VAV3: variants seen among roughly 807,000 people sequenced by gnomAD.
VAV3 encodes the protein guanine nucleotide exchange factor VAV3.
In VAV3, 94 loss-of-function variants were observed where a neutral mutation model predicts 131.2. That is an observed-to-expected ratio of 0.72 (90% CI 0.61 to 0.85). The LOEUF is 0.85. VAV3 is among the 40% of genes least tolerant of loss of function. The pLI is 0.00. For synonymous variants in VAV3, 349 were observed against 342.0 expected (o/e 1.02, Z -0.22); for missense variants, 939 against 1,002.7 (o/e 0.94, Z 0.86).
At position 107,711,183 on chromosome 1, in the gene VAV3, T is replaced by A. The variant is rs535637091; in HGVS notation, c.1503-6122A>T. On this transcript the variant is annotated intron_variant, in intron 15 of 26. Coordinates refer to ENST00000370056, the MANE Select transcript of VAV3 (RefSeq NM_006113.5). ...ACTAAGAGAAGATATTTAAAAGTGA[T>A]AAAACTAATGAGAGATGAAGACATC... Among the ~76,000 whole-genome samples, 81 of 151,982 alleles carry A rather than the reference T, an allele frequency of 5.3e-4. No individual in the cohort carries two copies. The South Asian group carries it at 0.016, about 29-fold the overall frequency.
At chr1:107,920,507 AATG>A (rs901024021) in intron 1 of VAV3, among the ~76,000 whole-genome samples, 52 of 152,192 alleles carry the variant, frequency 3.4e-4, no homozygotes, top group African/African-American at 1.2e-3. Flanking sequence ...AACAATATGA[AATG>A]ATGATATCTC....
chr1:107,693,079 T>G (rs1659530393), intron 17 of VAV3, among the ~76,000 whole-genome samples: 1 of 152,098 alleles, frequency 6.6e-6, no homozygotes, highest in Non-Finnish European at 1.5e-5. Flanking sequence ...CACCCTAAAA[T>G]TACATTAGCT....
chr1:107,704,481 G>T (rs1660324845), intron 17 of VAV3, 69 bp downstream of exon 17: 5 of 1,166,880 alleles, frequency 4.3e-6, no homozygotes, highest in Middle Eastern at 2.0e-4. Context: ...AGTAAATTAG[G>T]CCTTAATTAT....
intron 1 of VAV3, among the ~76,000 whole-genome samples, chr1:107,956,711 C>T (rs1674833720): frequency 6.6e-6 from 1 of 152,090 alleles, no homozygotes; most frequent in Admixed American, 6.6e-5. Context: ...GAAATATAAT[C>T]AGATGACTGG....
chr1:107,618,693 G>A (rs1010492463), intron 20 of VAV3, among the ~76,000 whole-genome samples: 1 of 152,136 alleles, frequency 6.6e-6, no homozygotes, highest in East Asian at 1.9e-4. Flanking sequence ...CACAGAGAAA[G>A]TAAATAATCT....
intron 15 of VAV3, among the ~76,000 whole-genome samples, chr1:107,718,294 A>G (rs1201711813): frequency 2.0e-5 from 3 of 152,208 alleles, no homozygotes; most frequent in Non-Finnish European, 2.9e-5. Flanking sequence ...ACATGATTAT[A>G]TATTTAGAAA....
chr1:107,655,992 C>G (rs1656522834), intron 19 of VAV3, among the ~76,000 whole-genome samples: 3 of 152,042 alleles, frequency 2.0e-5, no homozygotes, highest in African/African-American at 7.2e-5. Context: ...CCCTCATATA[C>G]TATTGGTGGT....
chr1:107,795,216 C>T (rs1448417655), intron 2 of VAV3, among the ~76,000 whole-genome samples: 1 of 152,194 alleles, frequency 6.6e-6, no homozygotes, highest in Non-Finnish European at 1.5e-5. Context: ...AGGAATGGAA[C>T]AGAAATCCTG....
chr1:107,873,590 T>C (rs1470079677), intron 2 of VAV3, among the ~76,000 whole-genome samples: 2 of 152,200 alleles, frequency 1.3e-5, no homozygotes, highest in Non-Finnish European at 2.9e-5. Flanking sequence ...CTGTGATTCA[T>C]GGCCACAGAC....
chr1:107,608,253 T>C lies in VAV3; in HGVS notation c.2015+1678A>G, dbSNP rs2101135040. On this transcript the variant is annotated intron_variant, in intron 22 of 26. Transcript: ENST00000370056. ...ACCTTCGGGTGCCCTGAATGGTTCT[T>C]AGGTACCTAATAAGTTTATTTCATA... 1.3e-5 allele frequency among the ~76,000 whole-genome samples: 2 copies of C among 152,316 alleles called. 1 individual carries two copies. Among genetic ancestry groups the C allele is most frequent in the Middle Eastern group, 6.8e-3 (2 of 292 alleles).
At chr1:107,866,822 C>CAAAAAAAAAAAAAAAA (rs66866060) in intron 2 of VAV3, among the ~76,000 whole-genome samples, 2 of 59,204 alleles carry the variant, frequency 3.4e-5, no homozygotes, top group African/African-American at 1.6e-4. Flanking sequence ...GACTCCATCT[C>CAAAAAAAAAAAAAAAA]AAAAAAAAAA....
At chr1:107,765,310 A>T in intron 8 of VAV3, 135 bp from the exon 9 acceptor site, 1 of 675,320 alleles carries the variant, frequency 1.5e-6, no homozygotes. Context: ...TATTTTTAAT[A>T]CATACCACAT....
At chr1:107,858,364 CTATTA>C (rs200438570) in intron 2 of VAV3, among the ~76,000 whole-genome samples, 4,953 of 152,206 alleles carry the variant, frequency 0.033, 249 homozygotes, top group African/African-American at 0.11. Flanking sequence ...GAAATTTTAA[CTATTA>C]TATTTCTTAG....
intron 15 of VAV3, among the ~76,000 whole-genome samples, chr1:107,737,682 G>A (rs576738590): frequency 4.8e-4 from 73 of 152,164 alleles, no homozygotes; most frequent in Non-Finnish European, 3.4e-4. Context: ...TTAGAATGGC[G>A]ATCATTAAAA....
At position 107,679,016 on chromosome 1, in the gene VAV3, T is replaced by C. The variant is rs1186293896; in HGVS notation, c.1777+4472A>G. ...CCTTTCCTAGGAAGAATATAAATTC[T>C]TTGCGGAAAGGGGCCATGTTTTATA... On this transcript the variant is annotated intron_variant, in intron 19 of 26. Transcript: ENST00000370056. 2.6e-5 allele frequency among the ~76,000 whole-genome samples: 4 copies of C among 152,300 alleles called. No individual in the cohort carries two copies. The South Asian group carries it at 8.3e-4, about 32-fold the overall frequency.
At chr1:107,623,877 A>G (rs1653792060) in intron 20 of VAV3, among the ~76,000 whole-genome samples, 1 of 152,196 alleles carries the variant, frequency 6.6e-6, no homozygotes, top group Non-Finnish European at 1.5e-5. Flanking sequence ...TCTCTGGCAT[A>G]GTTCTCTTGT....
intron 19 of VAV3, among the ~76,000 whole-genome samples, chr1:107,665,204 T>G (rs1291857155): frequency 6.6e-6 from 1 of 152,120 alleles, no homozygotes; most frequent in East Asian, 1.9e-4. Flanking sequence ...ACAAATTGAA[T>G]AATAATTTAC....
intron 1 of VAV3, among the ~76,000 whole-genome samples, chr1:107,927,834 ACCTGGGG>A (rs1307461562): frequency 6.6e-6 from 1 of 152,154 alleles, no homozygotes; most frequent in African/African-American, 2.4e-5. Context: ...CTCTGGACCC[ACCTGGGG>A]CCTGGGGGAA....
intron 19 of VAV3, among the ~76,000 whole-genome samples, chr1:107,654,581 AACT>A (rs1160342513): frequency 2.6e-5 from 4 of 151,994 alleles, no homozygotes; most frequent in African/African-American, 9.7e-5. Flanking sequence ...TCAATCTGAA[AACT>A]ACTAACTCTC....
Sources: allele counts gnomAD v4.1 joint callset (sites outside exome capture counted in the v4.1 genomes callset), GRCh38; gene constraint gnomAD v4.1.1; transcripts MANE v1.5; gene names NCBI Gene and HGNC (gene_info 2026-07-23, HGNC 2026-07-21).